Variants in NLRP11 observed in about 807,000 individuals in gnomAD.
NLRP11 encodes NLR family pyrin domain containing 11.
In NLRP11, 53 loss-of-function variants were observed where a neutral mutation model predicts 79.3. The observed-to-expected ratio is 0.67, with a 90% confidence interval of 0.54 to 0.84. NLRP11 has a LOEUF of 0.84. NLRP11 is among the 40% of genes least tolerant of loss of function. NLRP11 has a pLI of 0.00. For synonymous variants in NLRP11, 518 were observed against 462.6 expected, an observed-to-expected ratio of 1.12 and a Z score of -1.54; for missense variants, 1,264 against 1,255.0, an observed-to-expected ratio of 1.01 and a Z score of -0.11.
chr19:55,793,692 C>T (rs1041727736), intron 6 of NLRP11, among the ~76,000 whole-genome samples: 4 of 152,008 alleles, frequency 2.6e-5, no homozygotes, highest in African/African-American at 9.7e-5. Context: ...CCTGGCCCCT[C>T]CCTGCTTTTG....
At chr19:55,806,641 T>C (rs1176694009) in intron 4 of NLRP11, among the ~76,000 whole-genome samples, 3 of 152,184 alleles carry the variant, frequency 2.0e-5, no homozygotes, top group African/African-American at 7.2e-5. Context: ...AAACGCGGTA[T>C]CCAGAATGAG....
chr19:55,827,655 A>C (rs1408156687), intron 1 of NLRP11, among the ~76,000 whole-genome samples: 2 of 149,064 alleles, frequency 1.3e-5, no homozygotes, highest in East Asian at 2.0e-4. Flanking sequence ...GCCAAAAAAA[A>C]CATGAAAAAA....
At chr19:55,827,325 T>C (rs1982329235) in intron 1 of NLRP11, among the ~76,000 whole-genome samples, 1 of 148,252 alleles carries the variant, frequency 6.7e-6, no homozygotes, top group South Asian at 2.1e-4. Flanking sequence ...GAAGAAAACC[T>C]AGGCATGACC....
At chr19:55,807,096 C>T (rs1568635081) in intron 4 of NLRP11, among the ~76,000 whole-genome samples, 1 of 152,148 alleles carries the variant, frequency 6.6e-6, no homozygotes, top group Non-Finnish European at 1.5e-5. Flanking sequence ...TCTGTCTCAT[C>T]AGATAGCAAA....
At chr19:55,819,975 G>C (rs1981523755) in intron 1 of NLRP11, among the ~76,000 whole-genome samples, 1 of 152,140 alleles carries the variant, frequency 6.6e-6, no homozygotes, top group South Asian at 2.1e-4. Flanking sequence ...GAAGTACATG[G>C]AAAGATACTC....
intron 1 of NLRP11, among the ~76,000 whole-genome samples, chr19:55,821,371 G>A (rs1360792071): frequency 6.6e-6 from 1 of 152,106 alleles, no homozygotes; most frequent in Non-Finnish European, 1.5e-5. Context: ...AGGACACTCG[G>A]GAGCCTGGTT....
In NLRP11 at chr19:55,801,821, T is replaced by C. The variant is rs1979511672; in HGVS notation, c.2004-82A>G. ...AATTTCTCCTGCCTGCCTCACTTCA[T>C]CCTGTAACAAAGATTCTCAGTGGAT... On this transcript the variant is annotated intron_variant, in intron 4 of 9. Coordinates refer to ENST00000589093, the Ensembl canonical transcript of NLRP11. 1.2e-5 allele frequency: 14 copies of C among 1,156,684 alleles called. No homozygotes were observed. The South Asian group carries it at 1.6e-4, about 13-fold the overall frequency. The allele number at this position is 1,156,684 out of a possible 1,614,324, so 71.7% of individuals were successfully genotyped here.
chr19:55,829,042 T>C (rs1176397525), intron 1 of NLRP11, among the ~76,000 whole-genome samples: 1 of 152,194 alleles, frequency 6.6e-6, no homozygotes, highest in South Asian at 2.1e-4. Flanking sequence ...TAGCACCTTG[T>C]AGTTCAGTCA....
chr19:55,832,649 AG>A (rs1982907195), upstream of NLRP11, among the ~76,000 whole-genome samples: 1 of 152,224 alleles, frequency 6.6e-6, no homozygotes, highest in Admixed American at 6.5e-5. Context: ...ACAGAAGAAT[AG>A]GGGCATCTTC....
At chr19:55,796,126 G>A in exon 6 of NLRP11, 4 of 1,614,102 alleles carry the variant, frequency 2.5e-6, no homozygotes, top group Non-Finnish European at 2.5e-6. Flanking sequence ...GCATCACACA[G>A]TATGTTCATC....
intron 1 of NLRP11, among the ~76,000 whole-genome samples, chr19:55,829,973 T>TA (rs1250842483): frequency 6.6e-6 from 1 of 152,230 alleles, no homozygotes; most frequent in Admixed American, 6.5e-5. Flanking sequence ...TATCTGACTT[T>TA]AATTTTTTAA....
At chr19:55,796,207 C>G in exon 6 of NLRP11, 1 of 1,613,680 alleles carries the variant, frequency 6.2e-7, no homozygotes, top group South Asian at 1.1e-5. Flanking sequence ...AGGAGAGAGG[C>G]GATTTCTTCA....
In NLRP11 at chr19:55,809,480, G is replaced by T; in HGVS notation, c.1130C>A (p.Ala377Glu). 6.2e-7 allele frequency: 1 copy of T among 1,614,106 alleles called. No homozygotes were observed. Among genetic ancestry groups the T allele is most frequent in the Non-Finnish European group, 8.5e-7 (1 of 1,179,998 alleles). ...AGTAAGTCCAGCCTCTGATGTCAAC[G>T]CATCAGCAAGAAAGTGGGCATGTAG... The change falls in exon 3 of 10, where the codon GCG (alanine) becomes GAG (glutamate). Residue 377 changes from alanine (A) to glutamate (E), a missense_variant. By Grantham distance (107) the Ala-to-Glu change is moderately radical. Coordinates refer to ENST00000589093, the Ensembl canonical transcript of NLRP11. This position sits in a 1 kb window ranked among gnomAD's most constrained non-coding sequence, Gnocchi z 4.5.
upstream of NLRP11, among the ~76,000 whole-genome samples, chr19:55,835,993 G>A (rs1983231267): frequency 6.6e-6 from 1 of 152,238 alleles, no homozygotes; most frequent in Non-Finnish European, 1.5e-5. Flanking sequence ...GCATGGTGGT[G>A]TGCATCTGTA....
chr19:55,833,935 A>G (rs970487090), upstream of NLRP11, among the ~76,000 whole-genome samples: 2 of 150,240 alleles, frequency 1.3e-5, no homozygotes, highest in Non-Finnish European at 2.9e-5. Context: ...AGCTGGTGCC[A>G]TTTGTATTTA....
intron 1 of NLRP11, among the ~76,000 whole-genome samples, chr19:55,820,468 A>G (rs900173624): frequency 2.0e-5 from 3 of 152,152 alleles, no homozygotes; most frequent in African/African-American, 7.2e-5. Flanking sequence ...ATCCCACTGA[A>G]CAGAGGGTGG....
chr19:55,836,127 ATAAT>A (rs756521965), upstream of NLRP11, among the ~76,000 whole-genome samples: 8 of 152,214 alleles, frequency 5.3e-5, no homozygotes, highest in Non-Finnish European at 8.8e-5. Context: ...GTATCTAATA[ATAAT>A]TAATAATTTC....
chr19:55,788,988 GATGCAC>G lies in NLRP11; in HGVS notation c.2685-17_2685-12del. 6.2e-7 allele frequency: 1 copy of G among 1,613,898 alleles called. No individual in the cohort carries two copies. Among genetic ancestry groups the G allele is most frequent in the South Asian group, 1.1e-5 (1 of 91,054 alleles). On this transcript the variant is annotated splice_polypyrimidine_tract_variant and intron_variant, in intron 8 of 9. Transcript: ENST00000589093. Reference sequence around the variant, plus strand: ...ATGCACTCTTCTAGCCTGCAACGAAGATGCACAGGTAAGGTGGGGCCAAATCCTTGA... The same window carrying G: ...ATGCACTCTTCTAGCCTGCAACGAAGAGGTAAGGTGGGGCCAAATCCTTGA...
intron 2 of NLRP11, among the ~76,000 whole-genome samples, chr19:55,815,658 T>C (rs1251231417): frequency 6.6e-6 from 1 of 151,224 alleles, no homozygotes; most frequent in Non-Finnish European, 1.5e-5. Context: ...TAAAAAGGAG[T>C]GGCTGGAGAG....
Sources: gnomAD v4.1 joint callset for allele counts (sites outside exome capture counted in the v4.1 genomes callset) on GRCh38, gnomAD v4.1.1 for gene constraint, Gnocchi (gnomAD v3.1) non-coding constraint, MANE v1.5 for transcripts, NCBI Gene and HGNC (gene_info 2026-07-23, HGNC 2026-07-21) for gene names.